POMP: variants seen among roughly 807,000 people sequenced by gnomAD.
POMP encodes the protein 2510048O06Rik.
POMP carries 12 observed loss-of-function variants against 20.6 expected under a neutral mutation model. The observed-to-expected ratio is 0.58, with a 90% CI of 0.37 to 0.94. POMP has a LOEUF of 0.94. Ranked by LOEUF, POMP falls within the 40% of genes least tolerant of loss-of-function variation. The probability of loss-of-function intolerance (pLI) is 0.01; values close to 1 mark genes in which losing one functional copy is unlikely to be tolerated. For missense variants in POMP, 136 were observed against 161.1 expected, an observed-to-expected ratio of 0.84 and a Z score of 0.84; for synonymous variants, 53 against 55.0, an observed-to-expected ratio of 0.96 and a Z score of 0.16.
intron 1 of POMP, chr13:28,660,006 C>T (rs1046837539): frequency 6.6e-6 from 1 of 152,188 alleles, no homozygotes; most frequent in African/African-American, 2.4e-5. Context: ...TTGCCTTTCT[C>T]GGCTCCTTCC....
At chr13:28,669,309 T>G (rs900106864) in intron 4 of POMP, among the ~76,000 whole-genome samples, 8 of 152,318 alleles carry the variant, frequency 5.3e-5, no homozygotes, top group Admixed American at 5.2e-4. Context: ...TCACTTTACT[T>G]CATCTCCCTG....
At chr13:28,663,212 TAATAA>T (rs1566106845) in intron 2 of POMP, among the ~76,000 whole-genome samples, 1 of 152,186 alleles carries the variant, frequency 6.6e-6, no homozygotes, top group South Asian at 2.1e-4. Context: ...CTTTTCTGCT[TAATAA>T]AATAAGGATA....
At chr13:28,671,941 C>T (rs1314407618) in intron 4 of POMP, among the ~76,000 whole-genome samples, 1 of 151,946 alleles carries the variant, frequency 6.6e-6, no homozygotes, top group African/African-American at 2.4e-5. Context: ...TCACTAGAGC[C>T]CAGGAGTTTG....
At chr13:28,661,327 G>A (rs1792102) in intron 1 of POMP, among the ~76,000 whole-genome samples, 6,756 of 152,160 alleles carry the variant, frequency 0.044, 504 homozygotes, top group African/African-American at 0.15. Flanking sequence ...TTAGCCAGGC[G>A]TGATGTTGCA....
intron 5 of POMP, among the ~76,000 whole-genome samples, chr13:28,672,757 T>G (rs7337148): frequency 0.23 from 35,056 of 151,984 alleles, 4,517 homozygotes; most frequent in African/African-American, 0.32. Context: ...AGAAAAAAAG[T>G]GAAAATTATT....
At chr13:28,661,462 T>C (rs758703749) in intron 1 of POMP, among the ~76,000 whole-genome samples, 3 of 149,642 alleles carry the variant, frequency 2.0e-5, no homozygotes, top group Non-Finnish European at 4.4e-5. Flanking sequence ...CAAGACCCTA[T>C]CTCAAAAAGT....
chr13:28,668,264 C>T (rs886289304), intron 3 of POMP, among the ~76,000 whole-genome samples: 3 of 152,080 alleles, frequency 2.0e-5, no homozygotes, highest in African/African-American at 7.2e-5. Flanking sequence ...TAATTTTACT[C>T]TGGTAAAAGT....
chr13:28,669,480 A>G (rs1187657763), intron 4 of POMP, among the ~76,000 whole-genome samples: 5 of 152,238 alleles, frequency 3.3e-5, no homozygotes, highest in Middle Eastern at 6.8e-3. Flanking sequence ...GGCTCAAGCA[A>G]TCCTCTTGCC....
chr13:28,665,379 A>C (rs1045310875), intron 3 of POMP, among the ~76,000 whole-genome samples: 1 of 152,232 alleles, frequency 6.6e-6, no homozygotes, highest in African/African-American at 2.4e-5. Flanking sequence ...GAGTAGAACA[A>C]ATAATGTAAT....
chr13:28,675,415 A>C (rs1350812557), intron 5 of POMP, among the ~76,000 whole-genome samples: 1 of 152,232 alleles, frequency 6.6e-6, no homozygotes, highest in Non-Finnish European at 1.5e-5. Flanking sequence ...CTGGGATTAC[A>C]GGCGTGAGCC....
At chr13:28,663,330 G>C (rs1363510871) in intron 2 of POMP, among the ~76,000 whole-genome samples, 1 of 151,944 alleles carries the variant, frequency 6.6e-6, no homozygotes, top group Admixed American at 6.6e-5. Context: ...TATTTTTTGA[G>C]ATGGCATTTT....
In POMP at chr13:28,662,489, A is replaced by G. The variant is rs140397494; in HGVS notation, c.83A>G (p.His28Arg). The G allele has an allele frequency of 6.2e-7, 1 of 1,612,566 alleles. No homozygotes were observed. Reference sequence around the variant, plus strand: ...TCAGCAAGTGGACCTTTTGAAAGTCATGATCTTCTTCGGAAAGGGTATATG... The same window carrying G: ...TCAGCAAGTGGACCTTTTGAAAGTCGTGATCTTCTTCGGAAAGGGTATATG... ...ELSASGPFES[H>R]DLLRKGFSCV... The change falls in exon 2 of 6, where the codon CAT becomes CGT. Residue 28 changes from histidine to arginine, a missense_variant. His to Arg is a conservative substitution (Grantham distance 29, BLOSUM62 0). Coordinates refer to ENST00000380842, the MANE Select transcript of POMP (RefSeq NM_015932.6).
At chr13:28,663,056 A>G (rs939105668) in intron 2 of POMP, among the ~76,000 whole-genome samples, 1 of 152,156 alleles carries the variant, frequency 6.6e-6, no homozygotes, top group African/African-American at 2.4e-5. Context: ...ATGGTACCTG[A>G]CATTAGAAGC....
chr13:28,661,880 C>T (rs1040520573), intron 1 of POMP, among the ~76,000 whole-genome samples: 6 of 152,068 alleles, frequency 3.9e-5, no homozygotes, highest in South Asian at 2.1e-4. Context: ...ATAGTATTCC[C>T]GAGGATGCTG....
intron 5 of POMP, among the ~76,000 whole-genome samples, chr13:28,676,298 C>T (rs1884628243): frequency 6.6e-6 from 1 of 152,198 alleles, no homozygotes; most frequent in Non-Finnish European, 1.5e-5. Context: ...GCCACCGCGC[C>T]TGGCCGGGAA....
chr13:28,673,454 TG>T (rs1884584688), intron 5 of POMP, among the ~76,000 whole-genome samples: 1 of 152,250 alleles, frequency 6.6e-6, no homozygotes, highest in Non-Finnish European at 1.5e-5. Context: ...CTATTTTTTC[TG>T]GTCCTGAGGA....
At position 28,678,294 on chromosome 13, in the gene POMP, A is replaced by G. The variant is rs1341547712; in HGVS notation, c.*192A>G. ...CAATTAAAAGCACTAAAGGGAGATCATGTTAAAGCTCTTAATTTATATTAA... is the reference window on the plus strand; with the variant it reads ...CAATTAAAAGCACTAAAGGGAGATCGTGTTAAAGCTCTTAATTTATATTAA... On this transcript the variant is annotated 3_prime_UTR_variant, in exon 6 of 6. Coordinates refer to ENST00000380842, the MANE Select transcript of POMP (RefSeq NM_015932.6). The G allele has an allele frequency of 1.7e-6, 1 of 602,878 alleles. No individual in the cohort carries two copies. The highest frequency in any genetic ancestry group is 1.9e-5 in the African/African-American group (1 of 53,678). 37.3% of individuals were successfully genotyped at this position (602,878 alleles called of 1,614,324 possible).
In POMP at chr13:28,678,092, G is replaced by T; in HGVS notation, c.416G>T (p.Gly139Val). 6.2e-7 allele frequency: 1 copy of T among 1,613,910 alleles called. No individual in the cohort carries two copies. Among genetic ancestry groups the T allele is most frequent in the Non-Finnish European group, 8.5e-7 (1 of 1,179,824 alleles). ...EPHLMVEYKLGLL is the reference protein window; with the variant it reads ...EPHLMVEYKLVLL ...CACTTGATGGTGGAATATAAACTTG[G>T]TTTACTGTAATAGTGTGCTGTTCAT... Residue 139 changes from glycine to valine, a missense_variant, in exon 6 of 6, where the codon GGT becomes GTT. Gly to Val is a moderately radical substitution (Grantham distance 109, BLOSUM62 -3). Transcript: ENST00000380842.
intron 3 of POMP, among the ~76,000 whole-genome samples, chr13:28,665,053 G>A (rs771209863): frequency 1.1e-4 from 16 of 152,254 alleles, no homozygotes; most frequent in South Asian, 8.3e-4. Flanking sequence ...AGAAGGCTTC[G>A]TAAAATGCTA....
Sources: gnomAD v4.1 joint callset for allele counts (sites outside exome capture counted in the v4.1 genomes callset) on GRCh38, gnomAD v4.1.1 for gene constraint, MANE v1.5 for transcripts, NCBI Gene and HGNC (gene_info 2026-07-23, HGNC 2026-07-21) for gene names.